The following SORL1 variants were observed in gnomAD, a reference collection of about 807,000 sequenced individuals.
The protein encoded by SORL1 is sortilin related receptor 1.
SORL1 carries 127 observed loss-of-function variants against 273.7 expected under a neutral mutation model. The ratio of observed to expected loss-of-function variants is 0.46; its 90% CI spans 0.40 to 0.54. The LOEUF is 0.54. Ranked by LOEUF, SORL1 falls within the 20% of genes least tolerant of loss-of-function variation. The pLI is 0.00. For missense variants in SORL1, 2,494 were observed against 2,846.1 expected (o/e 0.88, Z 2.81); for synonymous variants, 1,031 against 1,067.4 (o/e 0.97, Z 0.66).
At position 121,591,024 on chromosome 11, in the gene SORL1, A is replaced by C. The variant is rs1565347310; in HGVS notation, c.4237A>C (p.Thr1413Pro). Reference sequence around the variant, plus strand: ...AGATTCACATATTCTTCCCTTCTCGACTCCTGGGCCCTCCACGTGTCTGCC... The same window carrying C: ...AGATTCACATATTCTTCCCTTCTCGCCTCCTGGGCCCTCCACGTGTCTGCC... ...CGDSHILPFS[T>P]PGPSTCLPNY... Residue 1413 changes from threonine (T) to proline (P), a missense_variant, in exon 31 of 48, where the codon ACT becomes CCT. Transcript: ENST00000260197. 6.2e-7 allele frequency: 1 copy of C among 1,613,848 alleles called. No homozygotes were observed. The highest frequency in any genetic ancestry group is 8.5e-7 in the Non-Finnish European group (1 of 1,179,990).
chr11:121,615,135 TTC>T, intron 41 of SORL1, 80 bp downstream of exon 41: 1 of 1,234,700 alleles, frequency 8.1e-7, no homozygotes, highest in East Asian at 2.6e-5. Flanking sequence ...TCCAGGGCTT[TTC>T]TCTCTTTTGC....
chr11:121,520,917 C>T (rs1371279027), intron 9 of SORL1, 68 bp downstream of exon 9: 1 of 1,113,174 alleles, frequency 9.0e-7, no homozygotes, highest in Non-Finnish European at 1.3e-6. Context: ...TGGTAGTTTC[C>T]TATGTCTAGT....
chr11:121,578,992 A>G (rs1046406751), intron 25 of SORL1, among the ~76,000 whole-genome samples: 1 of 152,244 alleles, frequency 6.6e-6, no homozygotes, highest in Non-Finnish European at 1.5e-5. Context: ...TAGTTAATAG[A>G]TTAGAAGGGT....
At chr11:121,566,835 G>A (rs2134921547) in intron 21 of SORL1, 105 bp from the exon 22 acceptor site, 2 of 1,119,374 alleles carry the variant, frequency 1.8e-6, no homozygotes, top group South Asian at 3.2e-5. Context: ...GCTTCTCGCT[G>A]TCCTTTCCGT....
intron 22 of SORL1, among the ~76,000 whole-genome samples, chr11:121,568,589 A>G (rs1279612285): frequency 6.6e-6 from 1 of 152,230 alleles, no homozygotes; most frequent in Non-Finnish European, 1.5e-5. Flanking sequence ...GAAAATCTTC[A>G]TAACTCATTT....
chr11:121,584,790 C>T (rs956720649), intron 26 of SORL1, among the ~76,000 whole-genome samples: 1 of 152,102 alleles, frequency 6.6e-6, no homozygotes, highest in Non-Finnish European at 1.5e-5. Flanking sequence ...ATGAGGTTTT[C>T]GCCATGTGGC....
At chr11:121,519,318 G>A (rs967021003) in intron 8 of SORL1, among the ~76,000 whole-genome samples, 36 of 152,028 alleles carry the variant, frequency 2.4e-4, no homozygotes, top group African/African-American at 7.5e-4. Context: ...TTTGTAATGC[G>A]TGTATCATTT....
chr11:121,512,436 A>G (rs1861893977), intron 6 of SORL1, among the ~76,000 whole-genome samples: 1 of 152,254 alleles, frequency 6.6e-6, no homozygotes, highest in East Asian at 1.9e-4. Context: ...ATGAATATGT[A>G]TTCTAGCAAA....
At chr11:121,457,766 T>C (rs1860931542) in intron 1 of SORL1, among the ~76,000 whole-genome samples, 1 of 152,238 alleles carries the variant, frequency 6.6e-6, no homozygotes, top group Non-Finnish European at 1.5e-5. Context: ...GAGTCCAGGC[T>C]TGTAAGAGCA....
In SORL1 at chr11:121,605,133, G is replaced by T; in HGVS notation, c.4672G>T (p.Val1558Leu). The T allele has an allele frequency of 6.2e-7, 1 of 1,613,102 alleles. No individual in the cohort carries two copies. The highest frequency in any genetic ancestry group is 1.1e-5 in the South Asian group (1 of 90,944). ...TCTAGATGAGTTGACTGTGTACAAA[G>T]TACAGAATCTTCAGTGGACAGCTGA... is the stretch of plus-strand genomic sequence containing the variant. The part of the protein sequence containing the change: ...ACSDELTVYK[V>L]QNLQWTADFS... Residue 1558 changes from valine to leucine, a missense_variant, in exon 34 of 48, where the codon GTA becomes TTA. Around this residue, in one of 3 missense-constraint regions of SORL1, gnomAD observed 1,609 missense variants for 1,816.4 expected, o/e 0.89. Transcript: ENST00000260197.
chr11:121,522,995 C>T lies in SORL1; in HGVS notation c.1596+6C>T. ...CTGGAGCCAGGTGGCGAGAGGTCAG[C>T]CCCCTCCCCCAATCCCGTCCCCTCC... On this transcript the variant is annotated splice_donor_region_variant and intron_variant, in intron 11 of 47. Coordinates refer to ENST00000260197, the MANE Select transcript of SORL1 (RefSeq NM_003105.6). The T allele has an allele frequency of 6.3e-7, 1 of 1,596,568 alleles. No individual in the cohort carries two copies. The highest frequency in any genetic ancestry group is 2.2e-5 in the East Asian group (1 of 44,794).
intron 5 of SORL1, 126 bp from the exon 6 acceptor site, chr11:121,496,743 A>G: frequency 1.4e-6 from 1 of 714,670 alleles, no homozygotes; most frequent in Non-Finnish European, 2.3e-6. Flanking sequence ...TGAGGCACAG[A>G]GAGTATGATC....
intron 32 of SORL1, among the ~76,000 whole-genome samples, chr11:121,601,686 G>T (rs1238005029): frequency 2.0e-5 from 3 of 151,742 alleles, no homozygotes; most frequent in Admixed American, 2.0e-4. Flanking sequence ...AAGTAGCTGG[G>T]ATTACAGGTG....
intron 14 of SORL1, 79 bp from the exon 15 acceptor site, chr11:121,549,881 G>A: frequency 1.5e-6 from 2 of 1,361,048 alleles, no homozygotes; most frequent in African/African-American, 1.4e-5. Flanking sequence ...AAGTAGTAAG[G>A]TAAAGTCAGC....
At chr11:121,567,174 GGGGA>G in intron 22 of SORL1, 61 bp downstream of exon 22, 3 of 1,414,278 alleles carry the variant, frequency 2.1e-6, no homozygotes, top group Non-Finnish European at 2.9e-6. Flanking sequence ...CTCCCCGCCA[GGGGA>G]GGGAGGGATA....
chr11:121,580,976 G>A (rs900664508), intron 25 of SORL1, among the ~76,000 whole-genome samples: 2 of 148,838 alleles, frequency 1.3e-5, no homozygotes, highest in East Asian at 2.0e-4. Flanking sequence ...ACAGTGGTGC[G>A]ATCTTGGCTT....
intron 41 of SORL1, among the ~76,000 whole-genome samples, chr11:121,616,469 C>T (rs924238934): frequency 2.0e-5 from 3 of 152,232 alleles, no homozygotes; most frequent in Admixed American, 2.0e-4. Flanking sequence ...TCCCGTGGCT[C>T]TGTGGACCCC....
chr11:121,613,188 C>T (rs537455192), intron 40 of SORL1, among the ~76,000 whole-genome samples: 8 of 152,184 alleles, frequency 5.3e-5, no homozygotes, highest in Non-Finnish European at 5.9e-5. Context: ...CCTTTCTAGT[C>T]TGGTTCACTC....
chr11:121,452,530 AG>A lies in SORL1; in HGVS notation c.205del (p.Ala69ArgfsTer30). ...GCGGCTGTGGGCGCGCGGGGATGCC[AG>A]GGGGGCGAGCCGCGCGGACGAGAAG... is the stretch of plus-strand genomic sequence containing the variant. ...ELRLWARGDA[R>X]GASRADEKPL... On this transcript the variant is annotated frameshift_variant, in exon 1 of 48. Coordinates refer to ENST00000260197, the MANE Select transcript of SORL1 (RefSeq NM_003105.6). LOFTEE classifies it high-confidence loss of function. This position sits in a 1 kb window ranked among gnomAD's most constrained non-coding sequence, Gnocchi z 5.3. The A allele has an allele frequency of 6.7e-7, 1 of 1,483,840 alleles. No individual in the cohort carries two copies. The highest frequency in any genetic ancestry group is 8.9e-7 in the Non-Finnish European group (1 of 1,122,744). The allele number at this position is 1,483,840 out of a possible 1,614,324, so 91.9% of individuals were successfully genotyped here.
Sources: allele counts gnomAD v4.1 joint callset (sites outside exome capture counted in the v4.1 genomes callset), GRCh38; gene constraint gnomAD v4.1.1; regional missense constraint gnomAD v4.1.1; non-coding constraint Gnocchi (gnomAD v3.1); transcripts MANE v1.5; gene names NCBI Gene and HGNC (gene_info 2026-07-23, HGNC 2026-07-21).